Variants in AFAP1L2 observed in about 807,000 individuals in gnomAD.
AFAP1L2 encodes the protein actin filament associated protein 1 like 2, also known as actin filament-associated protein 1-like 2.
A neutral mutation model predicts 99.3 loss-of-function variants in AFAP1L2; 46 were observed. That is an observed-to-expected ratio of 0.46 (90% confidence interval 0.37 to 0.59). AFAP1L2 has a LOEUF of 0.59. Ranked by LOEUF, AFAP1L2 falls within the 20% of genes least tolerant of loss-of-function variation. AFAP1L2 has a pLI of 0.00. For missense variants in AFAP1L2, 959 were observed against 1,034.9 expected (o/e 0.93, Z 1.01); for synonymous variants, 397 against 419.1 (o/e 0.95, Z 0.64).
downstream of AFAP1L2, chr10:114,290,332 C>A: frequency 6.4e-7 from 1 of 1,550,568 alleles, no homozygotes; most frequent in South Asian, 1.2e-5. Flanking sequence ...CTGCAAGTGT[C>A]GGGATGGCTG....
chr10:114,315,479 C>T lies in AFAP1L2; in HGVS notation c.612+81G>A, dbSNP rs566970270. On this transcript the variant is annotated intron_variant, in intron 6 of 18. Coordinates refer to ENST00000304129, the MANE Select transcript of AFAP1L2 (RefSeq NM_001001936.3). ...AGCTCGAAACCTCTGAGGTCAGGGA[C>T]CATCCTGTCCCTCCTTCCCTGTCCC... 1.2e-4 allele frequency: 177 copies of T among 1,468,618 alleles called. 5 individuals carry two copies. In the South Asian group the frequency reaches 2.0e-3, roughly 17 times the overall value. 91.0% of individuals were successfully genotyped at this position (1,468,618 alleles called of 1,614,324 possible).
chr10:114,381,964 TAAAG>T (rs2055689707), intron 1 of AFAP1L2, among the ~76,000 whole-genome samples: 1 of 152,138 alleles, frequency 6.6e-6, no homozygotes, highest in Non-Finnish European at 1.5e-5. Flanking sequence ...AGAGATCCCA[TAAAG>T]AGATAGCTTT....
intron 1 of AFAP1L2, among the ~76,000 whole-genome samples, chr10:114,392,595 A>G (rs537432): frequency 0.55 from 83,476 of 152,076 alleles, 23,025 homozygotes; most frequent in African/African-American, 0.58. Context: ...TAGTGACACC[A>G]CAGAATCTTA....
At chr10:114,370,848 C>T (rs772722891) in intron 1 of AFAP1L2, among the ~76,000 whole-genome samples, 12 of 152,188 alleles carry the variant, frequency 7.9e-5, no homozygotes, top group Non-Finnish European at 1.8e-4. Context: ...TATCCACTTC[C>T]ACTATTTCTC....
chr10:114,340,849 G>A, intron 1 of AFAP1L2, 118 bp from the exon 2 acceptor site: 1 of 1,475,564 alleles, frequency 6.8e-7, no homozygotes, highest in Non-Finnish European at 9.4e-7. Flanking sequence ...AAGAGGAAGG[G>A]TTTGGTGTGA....
the AFAP1L2 span, chr10:114,289,554 A>G: frequency 6.4e-7 from 1 of 1,572,782 alleles, no homozygotes; most frequent in Non-Finnish European, 8.7e-7. Context: ...GAGCCTTCAC[A>G]TACATCATGA....
At chr10:114,307,779 G>A in intron 10 of AFAP1L2, 26 bp downstream of exon 10, 1 of 1,594,966 alleles carries the variant, frequency 6.3e-7, no homozygotes, top group Non-Finnish European at 8.6e-7. Flanking sequence ...TGAGCCTGTG[G>A]TCCCGGAGGT....
intron 7 of AFAP1L2, among the ~76,000 whole-genome samples, chr10:114,312,947 G>C (rs1294734857): frequency 1.3e-5 from 2 of 152,188 alleles, no homozygotes; most frequent in Non-Finnish European, 2.9e-5. Context: ...TCAGCCTAGG[G>C]GTGGACCAGT....
chr10:114,368,767 A>AACACACACACAC (rs34854872), intron 1 of AFAP1L2, among the ~76,000 whole-genome samples: 15 of 140,746 alleles, frequency 1.1e-4, no homozygotes, highest in Non-Finnish European at 1.7e-4. Context: ...GTGTCCTTAC[A>AACACACACACAC]ACACACACAC....
chr10:114,281,646 G>T, the AFAP1L2 span: 1 of 749,470 alleles, frequency 1.3e-6, no homozygotes, highest in Non-Finnish European at 1.6e-6. Flanking sequence ...GACCTGCAGA[G>T]CCTCGTGTGG....
intron 1 of AFAP1L2, among the ~76,000 whole-genome samples, chr10:114,355,741 G>T (rs1464167694): frequency 6.6e-6 from 1 of 152,128 alleles, no homozygotes; most frequent in African/African-American, 2.4e-5. Flanking sequence ...GGGGACCAAG[G>T]TGGTTGGATC....
intron 1 of AFAP1L2, among the ~76,000 whole-genome samples, chr10:114,366,088 G>A (rs1286707801): frequency 6.6e-6 from 1 of 152,024 alleles, no homozygotes; most frequent in Non-Finnish European, 1.5e-5. Flanking sequence ...CTCTATCTTT[G>A]GGGCTACAAT....
At chr10:114,372,066 T>C (rs1376362541) in intron 1 of AFAP1L2, among the ~76,000 whole-genome samples, 1 of 152,246 alleles carries the variant, frequency 6.6e-6, no homozygotes. Flanking sequence ...ACAAAGGTTC[T>C]TTCCCTTAAC....
chr10:114,302,570 C>G, intron 11 of AFAP1L2, 86 bp from the exon 12 acceptor site: 1 of 1,555,068 alleles, frequency 6.4e-7, no homozygotes, highest in East Asian at 2.3e-5. Flanking sequence ...GACCGTACCC[C>G]TACCCCTGAG....
At chr10:114,306,374 A>AGGGGACGCTGGGGCAGGAGGGGACGCGG (rs1164260630) in intron 10 of AFAP1L2, among the ~76,000 whole-genome samples, 1 of 147,824 alleles carries the variant, frequency 6.8e-6, no homozygotes, top group Non-Finnish European at 1.5e-5. Flanking sequence ...CGGGGGCAGG[A>AGGGGACGCTGGGGCAGGAGGGGACGCGG]GGGCATGGGT....
At chr10:114,401,703 T>C (rs1410217744) in intron 1 of AFAP1L2, among the ~76,000 whole-genome samples, 3 of 152,150 alleles carry the variant, frequency 2.0e-5, no homozygotes, top group Admixed American at 2.0e-4. Context: ...GAAGAAAGTC[T>C]GGAAGTGTCT....
At chr10:114,305,876 G>A (rs542665180) in intron 10 of AFAP1L2, among the ~76,000 whole-genome samples, 24 of 79,334 alleles carry the variant, frequency 3.0e-4, no homozygotes, top group Middle Eastern at 0.016. Flanking sequence ...GCAGGAGGGG[G>A]CGCAGGGGCA....
At chr10:114,361,807 T>G (rs2052465708) in intron 1 of AFAP1L2, among the ~76,000 whole-genome samples, 1 of 152,200 alleles carries the variant, frequency 6.6e-6, no homozygotes, top group African/African-American at 2.4e-5. Context: ...ATGGCCCTCT[T>G]GGAGTGTACA....
At chr10:114,375,148 G>T (rs553698572) in intron 1 of AFAP1L2, among the ~76,000 whole-genome samples, 1 of 152,254 alleles carries the variant, frequency 6.6e-6, no homozygotes, top group East Asian at 1.9e-4. Context: ...TCAAAAGAAG[G>T]ATAATATTTC....
Sources: gnomAD v4.1 joint callset for allele counts (sites outside exome capture counted in the v4.1 genomes callset) on GRCh38, gnomAD v4.1.1 for gene constraint, MANE v1.5 for transcripts, NCBI Gene and HGNC (gene_info 2026-07-23, HGNC 2026-07-21) for gene names.